The following ZBP1 variants were observed in gnomAD, a reference collection of about 807,000 sequenced individuals.
ZBP1 encodes the protein Z-DNA binding protein 1.
In ZBP1, 42 loss-of-function variants were observed where a neutral mutation model predicts 41.1. The ratio of observed to expected loss-of-function variants is 1.02; its 90% CI spans 0.80 to 1.32. The LOEUF is 1.32. ZBP1 is among the 40% of genes most tolerant of loss of function. The pLI is 0.00. For missense variants in ZBP1, 562 were observed against 549.7 expected (o/e 1.02, Z -0.22); for synonymous variants, 214 against 205.2 (o/e 1.04, Z -0.37).
At chr20:57,605,864 G>A (rs1465593470) in intron 7 of ZBP1, among the ~76,000 whole-genome samples, 1 of 152,182 alleles carries the variant, frequency 6.6e-6, no homozygotes, top group Non-Finnish European at 1.5e-5. Context: ...AACCTGGGAG[G>A]TGGAGGTTGC....
Position 57,610,557 on chromosome 20 carries a change from T to C in ZBP1, c.875-190A>G, listed in dbSNP as rs1197345582. On this transcript the variant is annotated intron_variant, in intron 6 of 7. Coordinates refer to ENST00000371173, the MANE Select transcript of ZBP1 (RefSeq NM_030776.3). This position sits in a 1 kb window ranked among gnomAD's most constrained non-coding sequence, Gnocchi z 5.5. ...CCTCCGCTCGTGCTGTTGTGCTGTCTGGGAAGCGTCTTTCTGCTCCACTGA... is the reference window on the plus strand; with the variant it reads ...CCTCCGCTCGTGCTGTTGTGCTGTCCGGGAAGCGTCTTTCTGCTCCACTGA... The C allele has an allele frequency of 9.6e-6, 6 of 626,534 alleles. No individual in the cohort carries two copies. In the East Asian group the frequency reaches 1.4e-4, roughly 14 times the overall value. The allele number at this position is 626,534 out of a possible 1,614,324, so 38.8% of individuals were successfully genotyped here. A position where few individuals can be genotyped will look rare whatever the true frequency, so the allele number is the denominator to read the frequency against.
At chr20:57,616,767 C>T in intron 1 of ZBP1, 1 of 449,296 alleles carries the variant, frequency 2.2e-6, no homozygotes, top group Non-Finnish European at 4.1e-6. Context: ...TGGGGTTCCT[C>T]AGCTCTCAGG....
intron 7 of ZBP1, among the ~76,000 whole-genome samples, chr20:57,606,893 A>G (rs4811887): frequency 0.72 from 108,929 of 152,050 alleles, 39,678 homozygotes; most frequent in East Asian, 0.92. Flanking sequence ...CGCATCCTGG[A>G]TTGAGGGCCA....
Position 57,620,296 on chromosome 20 carries a change from G to A in ZBP1, c.-1C>T. ...CCGGGTCAGCAGGAGCCTGGGCCAT[G>A]CTGACAGCAGCTGCAAGGAGTCGGA... is the stretch of plus-strand genomic sequence containing the variant. On this transcript the variant is annotated 5_prime_UTR_variant, in exon 1 of 8. Coordinates refer to ENST00000371173, the MANE Select transcript of ZBP1 (RefSeq NM_030776.3). 1 of 1,595,722 alleles carries A rather than the reference G, an allele frequency of 6.3e-7. No individual in the cohort carries two copies.
In ZBP1 at chr20:57,615,584, C is replaced by T; in HGVS notation, c.260-4G>A. 6.2e-7 allele frequency: 1 copy of T among 1,611,266 alleles called. No homozygotes were observed. Among genetic ancestry groups the T allele is most frequent in the Non-Finnish European group, 8.5e-7 (1 of 1,179,010 alleles). On this transcript the variant is annotated splice_region_variant and splice_polypyrimidine_tract_variant and intron_variant, in intron 2 of 7. Transcript: ENST00000371173. ...GCATGTTGCTGGGGCCTCTCGGCTG[C>T]AGAAAGAAAGATGGGTCAGAGGGGT...
rs370372910 is a variant in ZBP1, at chr20:57,611,776, G to T, written c.825C>A (p.His275Gln). The change falls in exon 6 of 8, where the codon CAC (histidine) becomes CAA (glutamine). Residue 275 changes from histidine (H) to glutamine (Q), a missense_variant. Coordinates refer to ENST00000371173, the MANE Select transcript of ZBP1 (RefSeq NM_030776.3). ...QLGHSNEMRL[H>Q]GVPSEGPAHI... Reference sequence around the variant, plus strand: ...GGGCAGGGCCCTCGGACGGGACGCCGTGGAGCCTCATCTCATTGCTGTGTC... The same window carrying T: ...GGGCAGGGCCCTCGGACGGGACGCCTTGGAGCCTCATCTCATTGCTGTGTC... 1 of 1,612,562 alleles carries T rather than the reference G, an allele frequency of 6.2e-7. No homozygotes were observed. The highest frequency in any genetic ancestry group is 8.5e-7 in the Non-Finnish European group (1 of 1,179,618).
At chr20:57,604,861 T>C (rs2070457224) in intron 7 of ZBP1, 92 bp from the exon 8 acceptor site, 5 of 1,258,150 alleles carry the variant, frequency 4.0e-6, no homozygotes, top group Non-Finnish European at 4.5e-6. Flanking sequence ...CGAGCTCAGC[T>C]TGAGCCTTTG....
chr20:57,616,063 C>T (rs1183637024), intron 2 of ZBP1, 181 bp downstream of exon 2: 1 of 652,526 alleles, frequency 1.5e-6, no homozygotes, highest in African/African-American at 1.8e-5. Context: ...TCAGCAACCC[C>T]TACCAAGCAG....
At position 57,610,850 on chromosome 20, in the gene ZBP1, C is replaced by T. The variant is rs988275012; in HGVS notation, c.875-483G>A. Reference sequence around the variant, plus strand: ...CCGAGACCTCTTCTGCTCCCTGGCCCCCAGAAACCACCCCCTCAAGGTTAC... The same window carrying T: ...CCGAGACCTCTTCTGCTCCCTGGCCTCCAGAAACCACCCCCTCAAGGTTAC... On this transcript the variant is annotated intron_variant, in intron 6 of 7. Coordinates refer to ENST00000371173, the MANE Select transcript of ZBP1 (RefSeq NM_030776.3). The surrounding 1 kb of genome is among the most constrained non-coding windows in gnomAD (Gnocchi z 5.5). Among the ~76,000 whole-genome samples the T allele has an allele frequency of 6.6e-6, 1 of 151,936 alleles. No individual in the cohort carries two copies. The highest frequency in any genetic ancestry group is 1.5e-5 in the Non-Finnish European group (1 of 67,980).
At chr20:57,620,111 C>T (rs1342604860) in intron 1 of ZBP1, 151 bp downstream of exon 1, 2 of 907,066 alleles carry the variant, frequency 2.2e-6, no homozygotes, top group South Asian at 1.5e-5. Flanking sequence ...GCTGGGATTA[C>T]AGGCGTGAGC....
chr20:57,619,841 T>TC (rs1449391173), intron 1 of ZBP1, among the ~76,000 whole-genome samples: 1 of 151,840 alleles, frequency 6.6e-6, no homozygotes, highest in Non-Finnish European at 1.5e-5. Context: ...TTTCTATTTT[T>TC]TTTTTTTTTT....
At chr20:57,617,108 C>T (rs1345890664) in intron 1 of ZBP1, 1 of 156,762 alleles carries the variant, frequency 6.4e-6, no homozygotes, top group East Asian at 1.9e-4. Flanking sequence ...TCACCATCTC[C>T]TAGGTACAGT....
intron 2 of ZBP1, 55 bp downstream of exon 2, chr20:57,616,189 C>G: frequency 6.5e-7 from 1 of 1,532,016 alleles, no homozygotes; most frequent in East Asian, 2.3e-5. Flanking sequence ...TGTGCTTGTC[C>G]ATTGCCAGGA....
chr20:57,618,630 C>T (rs1182666247), intron 1 of ZBP1, among the ~76,000 whole-genome samples: 2 of 152,130 alleles, frequency 1.3e-5, no homozygotes, highest in Admixed American at 6.5e-5. Flanking sequence ...GCCTGGTCTG[C>T]GGCTGCAGTG....
rs922929422 is a variant in ZBP1 at position 57,613,256 on chromosome 20, C to T, written c.577G>A (p.Gly193Arg). 11 of 1,614,152 alleles carry T rather than the reference C, an allele frequency of 6.8e-6. No individual in the cohort carries two copies. Among genetic ancestry groups the T allele is most frequent in the Non-Finnish European group, 9.3e-6 (11 of 1,180,052 alleles). ...GCAATGGAAATCCAGCTGTTGGGTCCATTCTGGCAGATCATGTTGATTGGA... is the reference window on the plus strand; with the variant it reads ...GCAATGGAAATCCAGCTGTTGGGTCTATTCTGGCAGATCATGTTGATTGGA... Reference protein sequence around the residue: ...HNPINMICQNGPNSWISIANS... With the variant: ...HNPINMICQNRPNSWISIANS... Residue 193 changes from glycine to arginine, a missense_variant, in exon 5 of 8, where the codon GGA becomes AGA. Gly to Arg is a moderately radical substitution (Grantham distance 125). Transcript: ENST00000371173. This position sits in a 1 kb window ranked among gnomAD's most constrained non-coding sequence, Gnocchi z 4.5.
chr20:57,604,787 G>C lies in ZBP1; in HGVS notation c.1094-18C>G. 1 of 1,606,554 alleles carries C rather than the reference G, an allele frequency of 6.2e-7. No homozygotes were observed. On this transcript the variant is annotated intron_variant, in intron 7 of 7. Coordinates refer to ENST00000371173, the MANE Select transcript of ZBP1 (RefSeq NM_030776.3). Reference sequence around the variant, plus strand: ...ACGACGACCTAGGGAAGAGAAGATGGGGGATCAGCTTCATGGGCACGTGGC... The same window carrying C: ...ACGACGACCTAGGGAAGAGAAGATGCGGGATCAGCTTCATGGGCACGTGGC...
chr20:57,620,259 T>C lies in ZBP1; in HGVS notation c.34+3A>G. ...TGGTCCTTGGAAGGAAGAAGTACTG[T>C]ACCTTCTCTGCCCGGGTCAGCAGGA... is the stretch of plus-strand genomic sequence containing the variant. On this transcript the variant is annotated splice_donor_region_variant and intron_variant, in intron 1 of 7. Transcript: ENST00000371173. 6.3e-7 allele frequency: 1 copy of C among 1,590,926 alleles called. No individual in the cohort carries two copies. The highest frequency in any genetic ancestry group is 8.6e-7 in the Non-Finnish European group (1 of 1,168,110).
Position 57,616,377 on chromosome 20 carries a change from C to T in ZBP1, c.126G>A (p.Lys42=). The T allele has an allele frequency of 6.2e-7, 1 of 1,614,196 alleles. No individual in the cohort carries two copies. ...AQLVKECQAP[K]RELNQVLYRM... is the part of the protein sequence containing the mutation. ...GGTAGAGGACTTGGTTGAGCTCCCTCTTGGGTGCTTGGCATTCCTTCACCA... is the reference window on the plus strand; with the variant it reads ...GGTAGAGGACTTGGTTGAGCTCCCTTTTGGGTGCTTGGCATTCCTTCACCA... The change falls in exon 2 of 8, where the codon AAG becomes AAA. Residue 42 remains lysine, a synonymous_variant. Transcript: ENST00000371173.
Position 57,604,301 on chromosome 20 carries a change from G to C in ZBP1, c.*272C>G. On this transcript the variant is annotated 3_prime_UTR_variant, in exon 8 of 8. Transcript: ENST00000371173. ...AGAGTGGAGAGAGTCCCCTGGGCCTGGGGGACCGAGCCCCACTCCCATCTA... is the reference window on the plus strand; with the variant it reads ...AGAGTGGAGAGAGTCCCCTGGGCCTCGGGGACCGAGCCCCACTCCCATCTA... 3.3e-6 allele frequency: 2 copies of C among 604,878 alleles called. No homozygotes were observed. The highest frequency in any genetic ancestry group is 3.1e-5 in the South Asian group (2 of 65,310). The allele number at this position is 604,878 out of a possible 1,614,324, so 37.5% of individuals were successfully genotyped here.
Sources: allele counts gnomAD v4.1 joint callset (sites outside exome capture counted in the v4.1 genomes callset), GRCh38; gene constraint gnomAD v4.1.1; non-coding constraint Gnocchi (gnomAD v3.1); transcripts MANE v1.5; gene names NCBI Gene and HGNC (gene_info 2026-07-23, HGNC 2026-07-21).